Variants in DSCAM observed in about 807,000 individuals in gnomAD.
DSCAM encodes DS cell adhesion molecule.
A neutral mutation model predicts 217.7 loss-of-function variants in DSCAM; 47 were observed. The ratio of observed to expected loss-of-function variants is 0.22; its 90% CI spans 0.17 to 0.28. The LOEUF (loss-of-function observed/expected upper bound fraction) is 0.28, where lower values mean the gene tolerates loss of function less well. Among genes scored for constraint, DSCAM ranks in the 10% least tolerant of loss-of-function variants. The pLI is 1.00. For synonymous variants in DSCAM, 1,056 were observed against 1,015.3 expected (o/e 1.04, Z -0.76); for missense variants, 2,080 against 2,618.3 (o/e 0.79, Z 4.49).
At chr21:40,757,642 G>A (rs1339058709) in intron 1 of DSCAM, among the ~76,000 whole-genome samples, 1 of 152,238 alleles carries the variant, frequency 6.6e-6, no homozygotes, top group Non-Finnish European at 1.5e-5. Context: ...AAGAGCATGT[G>A]CTGAGGCCCA....
intron 31 of DSCAM, among the ~76,000 whole-genome samples, chr21:40,043,336 G>A (rs946696495): frequency 1.3e-5 from 2 of 152,160 alleles, no homozygotes; most frequent in African/African-American, 4.8e-5. Context: ...TCTCCTCTGT[G>A]TGGAACTCTG....
intron 1 of DSCAM, among the ~76,000 whole-genome samples, chr21:40,715,634 T>C (rs76977037): frequency 0.035 from 5,386 of 152,300 alleles, 147 homozygotes; most frequent in Non-Finnish European, 0.051. Context: ...ATCAGAAGCA[T>C]AGTTAATAGT....
intron 3 of DSCAM, among the ~76,000 whole-genome samples, chr21:40,667,665 G>A (rs1244335338): frequency 7.6e-6 from 1 of 131,294 alleles, no homozygotes; most frequent in Admixed American, 7.0e-5. Context: ...TCGTGATAGT[G>A]AGTGAGTCCT....
intron 3 of DSCAM, among the ~76,000 whole-genome samples, chr21:40,497,503 C>T (rs934824645): frequency 4.0e-5 from 6 of 151,862 alleles, no homozygotes; most frequent in African/African-American, 1.2e-4. Context: ...TGGTCAAAGA[C>T]GACAAAATTT....
intron 1 of DSCAM, among the ~76,000 whole-genome samples, chr21:40,781,875 G>A (rs1183551863): frequency 6.6e-6 from 1 of 151,600 alleles, no homozygotes; most frequent in African/African-American, 2.4e-5. Flanking sequence ...TTGGCTGGGC[G>A]CGGTGGCTCA....
intron 16 of DSCAM, among the ~76,000 whole-genome samples, chr21:40,151,475 C>T (rs972793959): frequency 6.6e-6 from 1 of 152,188 alleles, no homozygotes; most frequent in African/African-American, 2.4e-5. Flanking sequence ...AGAATGAAAT[C>T]TCACTTGTTA....
At chr21:40,789,913 C>G (rs770352908) in intron 1 of DSCAM, among the ~76,000 whole-genome samples, 5 of 152,092 alleles carry the variant, frequency 3.3e-5, no homozygotes, top group African/African-American at 1.2e-4. Context: ...AGAATTCTAC[C>G]GTTAGGAGTC....
rs77348986 is a variant in DSCAM at position 40,446,271 on chromosome 21, A to C, written c.509-77026T>G. Among the ~76,000 whole-genome samples the C allele has an allele frequency of 2.0e-4, 30 of 152,308 alleles. No individual in the cohort carries two copies. In the East Asian group the frequency reaches 5.8e-3, roughly 29 times the overall value. On this transcript the variant is annotated intron_variant, in intron 3 of 32. Coordinates refer to ENST00000400454, the MANE Select transcript of DSCAM (RefSeq NM_001389.5). The stretch of plus-strand genomic sequence containing the variant: ...AATAATGGATACTGATGGTCATTGC[A>C]TGCTGAAATGACCTGCTGGCTTGTC...
chr21:40,052,100 G>A lies in DSCAM; in HGVS notation c.5043C>T (p.Arg1681=). The A allele has an allele frequency of 6.2e-7, 1 of 1,613,882 alleles. No individual in the cohort carries two copies. The highest frequency in any genetic ancestry group is 8.5e-7 in the Non-Finnish European group (1 of 1,179,940). ...ERDTMETIDD[R]STVLLTDADF... ...CAGCATCCGTCAACAGAACCGTGGA[G>A]CGATCATCTACAGGATGGCAGGAAC... The change falls in exon 30 of 33, where the codon CGC becomes CGT. Residue 1681 remains arginine (R), a synonymous_variant. Transcript: ENST00000400454.
At chr21:40,823,393 G>A (rs771945911) in intron 1 of DSCAM, among the ~76,000 whole-genome samples, 9 of 152,092 alleles carry the variant, frequency 5.9e-5, no homozygotes, top group Admixed American at 1.3e-4. Context: ...ACACTAAGTT[G>A]AATCCTGTAA....
In DSCAM at chr21:40,159,536, T is replaced by C. The variant is rs193235732; in HGVS notation, c.3018+7682A>G. Among the ~76,000 whole-genome samples the C allele has an allele frequency of 1.6e-3, 245 of 152,310 alleles. 4 individuals carry two copies. Among genetic ancestry groups the C allele is most frequent in the Non-Finnish European group, 1.6e-4 (11 of 68,024 alleles). On this transcript the variant is annotated intron_variant, in intron 16 of 32. Coordinates refer to ENST00000400454, the MANE Select transcript of DSCAM (RefSeq NM_001389.5). The stretch of plus-strand genomic sequence containing the variant: ...CTGATAAAACTGTCTAAGATGGTCT[T>C]CTGAATACTTTTATTAAATTACTAC...
intron 1 of DSCAM, among the ~76,000 whole-genome samples, chr21:40,823,410 A>T (rs911747630): frequency 2.0e-5 from 3 of 152,186 alleles, no homozygotes; most frequent in African/African-American, 7.2e-5. Flanking sequence ...GTAAATCTCA[A>T]TTCAACTTGT....
At chr21:40,302,983 A>G (rs1470840676) in intron 9 of DSCAM, among the ~76,000 whole-genome samples, 1 of 152,154 alleles carries the variant, frequency 6.6e-6, no homozygotes, top group Non-Finnish European at 1.5e-5. Flanking sequence ...CATGGCTTCT[A>G]AGTTGCTATA....
At chr21:40,086,715 T>C (rs1242457379) in intron 22 of DSCAM, among the ~76,000 whole-genome samples, 1 of 152,192 alleles carries the variant, frequency 6.6e-6, no homozygotes, top group Non-Finnish European at 1.5e-5. Context: ...AGAACCAGAT[T>C]TTAAATTAGC....
intron 8 of DSCAM, among the ~76,000 whole-genome samples, chr21:40,321,374 C>A (rs990131222): frequency 6.6e-6 from 1 of 152,246 alleles, no homozygotes; most frequent in Non-Finnish European, 1.5e-5. Context: ...TCCCCTTAAT[C>A]TAAGCTTCTT....
chr21:40,228,197 C>T (rs1431122232), intron 11 of DSCAM, among the ~76,000 whole-genome samples: 1 of 152,094 alleles, frequency 6.6e-6, no homozygotes, highest in African/African-American at 2.4e-5. Flanking sequence ...CGCTGTTGAC[C>T]TTGGCCACCT....
chr21:40,398,321 C>T (rs906091695), intron 3 of DSCAM, among the ~76,000 whole-genome samples: 4 of 152,274 alleles, frequency 2.6e-5, no homozygotes, highest in Admixed American at 6.5e-5. Context: ...ACCTACAGCC[C>T]GGATCCCTTT....
chr21:40,216,144 C>T (rs1242651476), intron 11 of DSCAM, among the ~76,000 whole-genome samples: 4 of 152,142 alleles, frequency 2.6e-5, no homozygotes, highest in Non-Finnish European at 5.9e-5. Context: ...ATCTCTCTGT[C>T]ACCCAGGCTG....
chr21:40,553,425 G>T (rs2076645724), intron 3 of DSCAM, among the ~76,000 whole-genome samples: 1 of 152,178 alleles, frequency 6.6e-6, no homozygotes, highest in Non-Finnish European at 1.5e-5. Context: ...AATCCACCAG[G>T]ATTCCCCTGA....
Sources: gnomAD v4.1 joint callset for allele counts (sites outside exome capture counted in the v4.1 genomes callset) on GRCh38, gnomAD v4.1.1 for gene constraint, MANE v1.5 for transcripts, NCBI Gene and HGNC (gene_info 2026-07-23, HGNC 2026-07-21) for gene names.